AHNAK: variants seen among roughly 807,000 people sequenced by gnomAD.
The protein encoded by AHNAK is AHNAK nucleoprotein.
In AHNAK, 23 loss-of-function variants were observed where a neutral mutation model predicts 37.8. That is an observed-to-expected ratio of 0.61 (90% CI 0.44 to 0.86). The LOEUF (loss-of-function observed/expected upper bound fraction) is 0.86, where lower values mean the gene tolerates loss of function less well. Among genes scored for constraint, AHNAK ranks in the 40% least tolerant of loss-of-function variants. The probability of loss-of-function intolerance (pLI) is 0.00; values close to 1 mark genes in which losing one functional copy is unlikely to be tolerated. For synonymous variants in AHNAK, 2,481 were observed against 2,636.3 expected, an observed-to-expected ratio of 0.94 and a Z score of 1.80; for missense variants, 7,411 against 7,319.4, an observed-to-expected ratio of 1.01 and a Z score of -0.46.
intron 5 of AHNAK, among the ~76,000 whole-genome samples, chr11:62,489,929 G>A (rs944482209): frequency 6.6e-6 from 1 of 152,066 alleles, no homozygotes; most frequent in African/African-American, 2.4e-5. Context: ...AATCAGAGGG[G>A]GCAGGGTGTT....
Position 62,518,490 on chromosome 11 carries a change from T to C in AHNAK, c.15927A>G (p.Pro5309=), listed in dbSNP as rs769306995. 6.8e-6 allele frequency: 11 copies of C among 1,613,926 alleles called. No individual in the cohort carries two copies. Among genetic ancestry groups the C allele is most frequent in the Non-Finnish European group, 9.3e-6 (11 of 1,180,008 alleles). The change falls in exon 5 of 5, where the codon CCA becomes CCG. Residue 5309 remains proline, a synonymous_variant. Transcript: ENST00000378024. The part of the protein sequence containing the change: ...GPDLDLNLKG[P]SLKGDLDASV... ...ATGCATCCAGGTCTCCCTTCAAACTTGGTCCTTTCAAGTTCAGATCAAGGT... is the reference window on the plus strand; with the variant it reads ...ATGCATCCAGGTCTCCCTTCAAACTCGGTCCTTTCAAGTTCAGATCAAGGT...
chr11:62,542,964 G>C (rs1175486965), intron 1 of AHNAK, among the ~76,000 whole-genome samples: 2 of 152,180 alleles, frequency 1.3e-5, no homozygotes, highest in Admixed American at 6.5e-5. Flanking sequence ...GCTACTGCAG[G>C]GGCGTGGGGC....
At chr11:62,457,373 G>A (rs569236586) in intron 5 of AHNAK, among the ~76,000 whole-genome samples, 40 of 151,802 alleles carry the variant, frequency 2.6e-4, no homozygotes, top group African/African-American at 8.2e-4. Flanking sequence ...GCTTGAACCC[G>A]GGAGGCAGAG....
chr11:62,519,163 A>T lies in AHNAK; in HGVS notation c.15254T>A (p.Phe5085Tyr), dbSNP rs1298229006. The T allele has an allele frequency of 6.2e-7, 1 of 1,613,224 alleles. No individual in the cohort carries two copies. Among genetic ancestry groups the T allele is most frequent in the East Asian group, 2.2e-5 (1 of 44,892 alleles). ...TACATCTGGGAAGTACATTTTTCCAAACATCGTTTTCTTGGTTTTGGGCGA... is the reference window on the plus strand; with the variant it reads ...TACATCTGGGAAGTACATTTTTCCATACATCGTTTTCTTGGTTTTGGGCGA... ...VKSPKTKKTM[F>Y]GKMYFPDVEF... The change falls in exon 5 of 5, where the codon TTT (phenylalanine) becomes TAT (tyrosine). Residue 5085 changes from phenylalanine (F) to tyrosine (Y), a missense_variant. Transcript: ENST00000378024.
chr11:62,440,889 G>C (rs1303247190), intron 5 of AHNAK, among the ~76,000 whole-genome samples: 1 of 152,166 alleles, frequency 6.6e-6, no homozygotes, highest in African/African-American at 2.4e-5. Flanking sequence ...AGGGTGGCTG[G>C]GCACAGTGGC....
rs372028749 is a variant in AHNAK, at chr11:62,520,258, T to C, written c.14159A>G (p.Lys4720Arg). The change falls in exon 5 of 5, where the codon AAG becomes AGG. Residue 4720 changes from lysine (K) to arginine (R), a missense_variant. Physicochemically the swap from Lys to Arg is conservative, Grantham distance 26. Transcript: ENST00000378024. ...TAAGTCAATATCAGGCATGGAGATC[T>C]TGGGGGCTTTGATGCTCATCTCAGG... ...KMPEMSIKAPKISMPDIDLNL... is the reference protein window; with the variant it reads ...KMPEMSIKAPRISMPDIDLNL... 4 of 1,612,820 alleles carry C rather than the reference T, an allele frequency of 2.5e-6. No individual in the cohort carries two copies. Among genetic ancestry groups the C allele is most frequent in the Admixed American group, 3.3e-5 (2 of 59,862 alleles).
chr11:62,453,395 G>A (rs1938582988), intron 5 of AHNAK, among the ~76,000 whole-genome samples: 1 of 152,168 alleles, frequency 6.6e-6, no homozygotes, highest in African/African-American at 2.4e-5. Context: ...AGTCAAATGA[G>A]TGGTAACAAT....
At chr11:62,448,744 G>C (rs1165213567) in intron 5 of AHNAK, among the ~76,000 whole-genome samples, 1 of 152,180 alleles carries the variant, frequency 6.6e-6, no homozygotes, top group African/African-American at 2.4e-5. Context: ...AGCCCAAGGA[G>C]TTGGGAATTG....
chr11:62,545,083 A>T (rs577990630), intron 1 of AHNAK, among the ~76,000 whole-genome samples: 18 of 152,280 alleles, frequency 1.2e-4, no homozygotes, highest in Admixed American at 3.9e-4. Flanking sequence ...GAGACTCCGG[A>T]GGTCTAAGGA....
chr11:62,530,209 T>C lies in AHNAK; in HGVS notation c.4208A>G (p.Asp1403Gly). ...PGFKGEGPEV[D>G]VKLPKADVDV... ...AACGTCAGCTTTGGGCAGCTTCACATCCACTTCAGGGCCCTCTCCTTTGAA... is the reference window on the plus strand; with the variant it reads ...AACGTCAGCTTTGGGCAGCTTCACACCCACTTCAGGGCCCTCTCCTTTGAA... The change falls in exon 5 of 5, where the codon GAT becomes GGT. Residue 1403 changes from aspartate (D) to glycine (G), a missense_variant. Physicochemically the swap from Asp to Gly is moderately conservative, Grantham distance 94. Coordinates refer to ENST00000378024, the MANE Select transcript of AHNAK (RefSeq NM_001620.3). The C allele has an allele frequency of 6.2e-7, 1 of 1,612,676 alleles. No homozygotes were observed. The highest frequency in any genetic ancestry group is 1.3e-5 in the African/African-American group (1 of 74,496).
intron 5 of AHNAK, among the ~76,000 whole-genome samples, chr11:62,463,123 C>CAAAA (rs142849834): frequency 1.3e-5 from 1 of 77,862 alleles, no homozygotes; most frequent in Non-Finnish European, 2.7e-5. Flanking sequence ...GACTCAGTCT[C>CAAAA]AAAAAAAAAA....
At chr11:62,488,208 A>T (rs1939430321) in intron 5 of AHNAK, among the ~76,000 whole-genome samples, 1 of 152,232 alleles carries the variant, frequency 6.6e-6, no homozygotes, top group Non-Finnish European at 1.5e-5. Flanking sequence ...GTCCTTTGAG[A>T]AAAGGGGTCA....
rs1940006252 is a variant in AHNAK, at chr11:62,516,001, A to G, written c.*743T>C. 4.3e-6 allele frequency: 5 copies of G among 1,170,924 alleles called. No individual in the cohort carries two copies. The Admixed American group carries it at 1.8e-4, about 43-fold the overall frequency. 72.5% of individuals were successfully genotyped at this position (1,170,924 alleles called of 1,614,324 possible). A position where few individuals can be genotyped will look rare whatever the true frequency, so the allele number is the denominator to read the frequency against. On this transcript the variant is annotated 3_prime_UTR_variant, in exon 5 of 5. Transcript: ENST00000378024. ...AGTGCTGGAAATTTTCTTAATCATGATAACATTTGTTAAAAAGAAATCAGA... is the reference window on the plus strand; with the variant it reads ...AGTGCTGGAAATTTTCTTAATCATGGTAACATTTGTTAAAAAGAAATCAGA...
At chr11:62,444,658 A>G (rs1367847977) in intron 5 of AHNAK, among the ~76,000 whole-genome samples, 1 of 152,240 alleles carries the variant, frequency 6.6e-6, no homozygotes, top group Non-Finnish European at 1.5e-5. Flanking sequence ...CCTTGAGGGC[A>G]GAGTCACATC....
chr11:62,438,893 C>G (rs1938238285), intron 5 of AHNAK, among the ~76,000 whole-genome samples: 1 of 152,118 alleles, frequency 6.6e-6, no homozygotes, highest in African/African-American at 2.4e-5. Context: ...CATGAGAATG[C>G]TCATATGATA....
At chr11:62,449,695 T>C (rs934742694) in intron 5 of AHNAK, among the ~76,000 whole-genome samples, 1 of 152,156 alleles carries the variant, frequency 6.6e-6, no homozygotes, top group Non-Finnish European at 1.5e-5. Flanking sequence ...TGAAAACAAA[T>C]ACTGGCAAAA....
intron 5 of AHNAK, among the ~76,000 whole-genome samples, chr11:62,486,540 A>G (rs1429604292): frequency 7.4e-5 from 10 of 135,434 alleles, no homozygotes; most frequent in Admixed American, 1.6e-4. Flanking sequence ...GGAAGGAAGG[A>G]AGGGAGGGAG....
chr11:62,488,207 G>C (rs1393214928), intron 5 of AHNAK, among the ~76,000 whole-genome samples: 1 of 152,140 alleles, frequency 6.6e-6, no homozygotes, highest in Non-Finnish European at 1.5e-5. Flanking sequence ...AGTCCTTTGA[G>C]AAAAGGGGTC....
intron 5 of AHNAK, among the ~76,000 whole-genome samples, chr11:62,464,641 C>G (rs573033254): frequency 6.6e-6 from 1 of 150,466 alleles, no homozygotes; most frequent in African/African-American, 2.4e-5. Flanking sequence ...GTACTCCAGT[C>G]TGGGCAACAG....
Sources: gnomAD v4.1 joint callset for allele counts (sites outside exome capture counted in the v4.1 genomes callset) on GRCh38, gnomAD v4.1.1 for gene constraint, MANE v1.5 for transcripts, NCBI Gene and HGNC (gene_info 2026-07-23, HGNC 2026-07-21) for gene names.